Variants in GOSR2 observed in about 807,000 individuals in gnomAD.
The protein encoded by GOSR2 is golgi SNAP receptor complex member 2, also known as 27 kDa Golgi SNARE protein.
GOSR2 carries 20 observed loss-of-function variants against 27.9 expected under a neutral mutation model. That is an observed-to-expected ratio of 0.72 (90% CI 0.50 to 1.04). The LOEUF (loss-of-function observed/expected upper bound fraction) is 1.04. GOSR2 is among the 50% of genes least tolerant of loss of function. The pLI, the probability that GOSR2 is intolerant of heterozygous loss-of-function variation, is 0.00. For missense variants in GOSR2, 261 were observed against 270.5 expected (o/e 0.97, Z 0.25); for synonymous variants, 91 against 98.8 (o/e 0.92, Z 0.47).
At chr17:46,926,360 A>G (rs2086494813) in intron 1 of GOSR2, among the ~76,000 whole-genome samples, 1 of 152,108 alleles carries the variant, frequency 6.6e-6, no homozygotes, top group South Asian at 2.1e-4. Flanking sequence ...TGCAAAGTGG[A>G]TGTTATGGGG....
intron 1 of GOSR2, among the ~76,000 whole-genome samples, chr17:46,929,001 G>A (rs2086909376): frequency 1.3e-5 from 2 of 151,798 alleles, no homozygotes; most frequent in South Asian, 2.1e-4. Context: ...TGCTTTTCTC[G>A]TGAATCTTCC....
At chr17:46,975,111 C>T (rs377131521) in intron 6 of GOSR2, 1 of 149,996 alleles carries the variant, frequency 6.7e-6, no homozygotes, top group Non-Finnish European at 1.5e-5. Context: ...CCTTATTGAG[C>T]GTCTATTAAA....
At chr17:46,956,366 C>T (rs1438002183) in intron 6 of GOSR2, among the ~76,000 whole-genome samples, 4 of 147,490 alleles carry the variant, frequency 2.7e-5, no homozygotes, top group East Asian at 2.0e-4. Flanking sequence ...TCTTAGCTCA[C>T]TGCAACCTCC....
At chr17:46,949,575 C>G (rs193101805) in intron 6 of GOSR2, among the ~76,000 whole-genome samples, 10 of 152,310 alleles carry the variant, frequency 6.6e-5, no homozygotes, top group Admixed American at 6.5e-4. Context: ...AGAGTACAAT[C>G]TGCCACACTC....
chr17:46,966,071 A>G (rs1180923858), intron 6 of GOSR2, among the ~76,000 whole-genome samples: 1 of 152,136 alleles, frequency 6.6e-6, no homozygotes, highest in Admixed American at 6.5e-5. Context: ...TACTTATAAT[A>G]TGTCTAACGA....
chr17:46,966,286 T>C (rs1455208665), intron 6 of GOSR2, among the ~76,000 whole-genome samples: 1 of 152,228 alleles, frequency 6.6e-6, no homozygotes. Flanking sequence ...ATGTACCTTC[T>C]CAGACCACTT....
chr17:46,959,375 T>G (rs775340910), intron 6 of GOSR2, among the ~76,000 whole-genome samples: 1 of 152,240 alleles, frequency 6.6e-6, no homozygotes, highest in Non-Finnish European at 1.5e-5. Flanking sequence ...GTATTTCTTT[T>G]TGTCTGGTAG....
At chr17:46,931,276 A>G in intron 3 of GOSR2, 69 bp downstream of exon 3, 1 of 826,866 alleles carries the variant, frequency 1.2e-6, no homozygotes. Context: ...TCCCTGGGGG[A>G]GGTGATAGAA....
At chr17:46,935,727 G>A (rs2088207709) in intron 5 of GOSR2, 1 of 988,100 alleles carries the variant, frequency 1.0e-6, no homozygotes, top group Non-Finnish European at 1.2e-6. Context: ...TCACTCCCTA[G>A]CCTTAGGTAT....
chr17:46,975,741 AAC>A (rs1347501494), downstream of GOSR2, among the ~76,000 whole-genome samples: 1 of 152,124 alleles, frequency 6.6e-6, no homozygotes, highest in Non-Finnish European at 1.5e-5. Context: ...AGGGGACCCA[AAC>A]ACACGTTAGT....
chr17:46,938,127 T>G, intron 5 of GOSR2: 2 of 220,198 alleles, frequency 9.1e-6, no homozygotes, highest in Non-Finnish European at 1.8e-5. Flanking sequence ...CCTCCCAGAG[T>G]GCTGGGATTA....
Position 46,940,301 on chromosome 17 carries a change from C to G in GOSR2, c.*1541C>G. On this transcript the variant is annotated 3_prime_UTR_variant, in exon 6 of 6. Transcript: ENST00000640051. Reference sequence around the variant, plus strand: ...TCCTACCCCTCCGGGCCAAATGGGCCCCAGGTTTCCAAGGAAGGAGCAATC... The same window carrying G: ...TCCTACCCCTCCGGGCCAAATGGGCGCCAGGTTTCCAAGGAAGGAGCAATC... The G allele has an allele frequency of 6.9e-7, 1 of 1,440,930 alleles. No homozygotes were observed. 89.3% of individuals were successfully genotyped at this position (1,440,930 alleles called of 1,614,324 possible).
intron 6 of GOSR2, among the ~76,000 whole-genome samples, chr17:46,955,031 G>A (rs951868513): frequency 1.1e-4 from 16 of 152,144 alleles, no homozygotes; most frequent in Admixed American, 3.3e-4. Context: ...TGATTGCCCT[G>A]GCCAGAACTT....
At chr17:46,944,562 G>A (rs1013130559), downstream of GOSR2, among the ~76,000 whole-genome samples, 2 of 152,024 alleles carry the variant, frequency 1.3e-5, no homozygotes, top group Admixed American at 6.6e-5. Flanking sequence ...CAGAGATGCC[G>A]AGCTACCTGG....
chr17:46,943,250 C>T (rs558493572), downstream of GOSR2, among the ~76,000 whole-genome samples: 1 of 152,270 alleles, frequency 6.6e-6, no homozygotes, highest in South Asian at 2.1e-4. Flanking sequence ...TCAGAAGGAG[C>T]CAGATCCCTT....
Position 46,941,421 on chromosome 17 carries a change from T to C in GOSR2, c.*2661T>C. On this transcript the variant is annotated 3_prime_UTR_variant, in exon 6 of 6. Transcript: ENST00000640051. ...TTTATAACTAATGGCCCCCTTTTTT[T>C]ATGTTTCTAGGCCAGAGATTCTCAA... The C allele has an allele frequency of 1.0e-6, 1 of 984,444 alleles. No homozygotes were observed. The highest frequency in any genetic ancestry group is 1.2e-6 in the Non-Finnish European group (1 of 829,056). 61.0% of individuals were successfully genotyped at this position (984,444 alleles called of 1,614,324 possible). A position where few individuals can be genotyped will look rare whatever the true frequency, so the allele number is the denominator to read the frequency against.
Position 46,940,718 on chromosome 17 carries a change from A to AGTG in GOSR2, c.*1961_*1963dup. ...TGCACCAGTGCTTTCCACACTTGAC[A>AGTG]GTGGTTGGCTTTGATGAACCCTCAT... On this transcript the variant is annotated 3_prime_UTR_variant, in exon 6 of 6. Coordinates refer to ENST00000640051, the MANE Select transcript of GOSR2 (RefSeq NM_004287.5). 6.2e-7 allele frequency: 1 copy of AGTG among 1,601,180 alleles called. No homozygotes were observed. The highest frequency in any genetic ancestry group is 8.5e-7 in the Non-Finnish European group (1 of 1,176,952).
At chr17:46,923,581 A>G (rs2086022864) in intron 1 of GOSR2, 1 of 1,304,128 alleles carries the variant, frequency 7.7e-7, no homozygotes, top group Non-Finnish European at 9.7e-7. Context: ...GACACGGAGT[A>G]GGAGACACGG....
intron 5 of GOSR2, chr17:46,936,321 G>A: frequency 1.0e-6 from 1 of 985,358 alleles, no homozygotes; most frequent in Non-Finnish European, 1.2e-6. Context: ...GCCAGTGGGG[G>A]TTAGAGCGTC....
Sources: gnomAD v4.1 joint callset for allele counts (sites outside exome capture counted in the v4.1 genomes callset) on GRCh38, gnomAD v4.1.1 for gene constraint, MANE v1.5 for transcripts, NCBI Gene and HGNC (gene_info 2026-07-23, HGNC 2026-07-21) for gene names.